Variants in RASGRP3 observed in about 807,000 individuals in gnomAD.
RASGRP3 encodes ras guanyl-releasing protein 3.
RASGRP3 carries 54 observed loss-of-function variants against 82.7 expected under a neutral mutation model. The observed-to-expected ratio is 0.65, with a 90% CI of 0.52 to 0.82. The LOEUF is 0.82. RASGRP3 is among the 40% of genes least tolerant of loss of function. The probability of loss-of-function intolerance (pLI) is 0.00; values close to 1 mark genes in which losing one functional copy is unlikely to be tolerated. For synonymous variants in RASGRP3, 309 were observed against 300.5 expected (o/e 1.03, Z -0.29); for missense variants, 861 against 828.9 (o/e 1.04, Z -0.48).
rs138477460 is a variant in RASGRP3 at position 33,548,927 on chromosome 2, G to T, written c.1395-677G>T. On this transcript the variant is annotated intron_variant, in intron 13 of 17. Coordinates refer to ENST00000403687, the MANE Select transcript of RASGRP3 (RefSeq NM_001139488.2). Reference sequence around the variant, plus strand: ...TGGTCTTGAACTCCTGACCTCAAGTGATCCGCCCACCTTGGCCTCCCAAAG... The same window carrying T: ...TGGTCTTGAACTCCTGACCTCAAGTTATCCGCCCACCTTGGCCTCCCAAAG... Among the ~76,000 whole-genome samples, 1,073 of 152,212 alleles carry T rather than the reference G, an allele frequency of 7.0e-3. 14 individuals carry two copies. Among genetic ancestry groups the T allele is most frequent in the African/African-American group, 0.024 (991 of 41,522 alleles).
At chr2:33,496,339 G>A (rs1172829249) in intron 1 of RASGRP3, among the ~76,000 whole-genome samples, 1 of 152,244 alleles carries the variant, frequency 6.6e-6, no homozygotes, top group Non-Finnish European at 1.5e-5. Flanking sequence ...CAGAGCCAGA[G>A]TTCTTGGGTT....
In RASGRP3 at chr2:33,494,480, T is replaced by G. The variant is rs111910566; in HGVS notation, c.-260-17230T>G. ...CTAGAAATTATCCTACAGGAAATTA[T>G]CCCAAAGGGTCTACCGTGATGAATA... On this transcript the variant is annotated intron_variant, in intron 1 of 17. Transcript: ENST00000403687. Among the ~76,000 whole-genome samples, 596 of 152,316 alleles carry G rather than the reference T, an allele frequency of 3.9e-3. 3 individuals are homozygous for G. The highest frequency in any genetic ancestry group is 0.014 in the African/African-American group (574 of 41,562).
chr2:33,548,100 G>T (rs913098120), intron 13 of RASGRP3, among the ~76,000 whole-genome samples: 29 of 152,140 alleles, frequency 1.9e-4, no homozygotes, highest in Non-Finnish European at 4.0e-4. Flanking sequence ...GGTGGCTCAC[G>T]CCTGTAATCC....
In RASGRP3 at chr2:33,535,531, G is replaced by A. The variant is rs369490622; in HGVS notation, c.1161+1131G>A. Among the ~76,000 whole-genome samples the A allele has an allele frequency of 2.0e-4, 30 of 151,674 alleles. No individual in the cohort carries two copies. In the South Asian group the frequency reaches 5.8e-3, roughly 29 times the overall value. On this transcript the variant is annotated intron_variant, in intron 11 of 17. Coordinates refer to ENST00000403687, the MANE Select transcript of RASGRP3 (RefSeq NM_001139488.2). ...TACTGTGATTCTGAACCCTCAGACC[G>A]AAAGAGACAGAATGGCAGTGAGAGC...
intron 11 of RASGRP3, among the ~76,000 whole-genome samples, chr2:33,535,920 T>G (rs1234972457): frequency 1.3e-5 from 2 of 152,200 alleles, no homozygotes; most frequent in Non-Finnish European, 2.9e-5. Context: ...TTTCCACCTC[T>G]TGACACCAAT....
intron 5 of RASGRP3, 74 bp from the exon 6 acceptor site, chr2:33,520,479 A>G: frequency 1.3e-6 from 2 of 1,570,986 alleles, no homozygotes; most frequent in Non-Finnish European, 1.7e-6. Context: ...TGTAGTCTGT[A>G]AAACGGTACA....
intron 1 of RASGRP3, among the ~76,000 whole-genome samples, chr2:33,498,138 C>A (rs375573933): frequency 1.3e-4 from 20 of 152,256 alleles, no homozygotes; most frequent in African/African-American, 4.8e-4. Context: ...CAGTAGAGGG[C>A]ACTTTTTGGT....
At chr2:33,451,192 T>C (rs1665782097) in intron 2 of RASGRP3, among the ~76,000 whole-genome samples, 1 of 152,146 alleles carries the variant, frequency 6.6e-6, no homozygotes, top group Non-Finnish European at 1.5e-5. Context: ...CTATTGGCCA[T>C]TTGTATTTCT....
At chr2:33,455,102 T>A (rs1423178909) in intron 2 of RASGRP3, among the ~76,000 whole-genome samples, 2 of 152,190 alleles carry the variant, frequency 1.3e-5, no homozygotes, top group Non-Finnish European at 2.9e-5. Context: ...CAACTATAGC[T>A]TCTCACCCTC....
chr2:33,536,594 T>C (rs1673635513), intron 11 of RASGRP3, among the ~76,000 whole-genome samples: 1 of 152,164 alleles, frequency 6.6e-6, no homozygotes, highest in Admixed American at 6.5e-5. Flanking sequence ...GATATTTCCA[T>C]CAAACATAGA....
intron 1 of RASGRP3, among the ~76,000 whole-genome samples, chr2:33,477,846 TGAG>T (rs1236869624): frequency 6.6e-6 from 1 of 152,134 alleles, no homozygotes; most frequent in Non-Finnish European, 1.5e-5. Flanking sequence ...GCGTGGATCT[TGAG>T]GAGGGTGGGC....
intron 2 of RASGRP3, among the ~76,000 whole-genome samples, chr2:33,456,904 AT>A (rs10660284): frequency 0.013 from 1,713 of 134,652 alleles, 30 homozygotes; most frequent in African/African-American, 0.044. Context: ...AGTGCTTTCT[AT>A]TTTTTTTTTT....
At chr2:33,484,380 T>A (rs561839116) in intron 1 of RASGRP3, among the ~76,000 whole-genome samples, 1 of 152,338 alleles carries the variant, frequency 6.6e-6, no homozygotes, top group East Asian at 1.9e-4. Context: ...ATCTCCATAT[T>A]TGGTTCTGGA....
intron 13 of RASGRP3, among the ~76,000 whole-genome samples, chr2:33,545,887 C>G (rs1305115352): frequency 2.4e-4 from 36 of 152,166 alleles, no homozygotes; most frequent in Admixed American, 2.4e-3. Context: ...TTATTGCAAC[C>G]TCTGCCTCCT....
intron 4 of RASGRP3, 115 bp from the exon 5 acceptor site, chr2:33,519,837 T>C: frequency 1.5e-6 from 1 of 657,284 alleles, no homozygotes; most frequent in Non-Finnish European, 2.7e-6. Context: ...TATTTGAGTG[T>C]CTATATAACC....
intron 1 of RASGRP3, among the ~76,000 whole-genome samples, chr2:33,504,890 C>T (rs1279361048): frequency 2.0e-5 from 3 of 152,266 alleles, no homozygotes; most frequent in East Asian, 3.9e-4. Flanking sequence ...AGGCTGAGCA[C>T]GTTGGTATTG....
chr2:33,530,689 C>T (rs1242469367), intron 10 of RASGRP3, among the ~76,000 whole-genome samples: 3 of 152,122 alleles, frequency 2.0e-5, no homozygotes, highest in Admixed American at 1.3e-4. Context: ...CTCTCCTCCT[C>T]TTCATGATGT....
At chr2:33,443,319 G>T (rs897351318) in intron 1 of RASGRP3, among the ~76,000 whole-genome samples, 5 of 152,140 alleles carry the variant, frequency 3.3e-5, no homozygotes, top group African/African-American at 1.2e-4. Context: ...AGATGAAAAT[G>T]AGGGATGGGT....
chr2:33,482,158 C>G (rs183908347), intron 1 of RASGRP3: 1 of 152,212 alleles, frequency 6.6e-6, no homozygotes, highest in Non-Finnish European at 1.5e-5. Context: ...GGACTATAGG[C>G]GCCCGCCACC....
Sources: gnomAD v4.1 joint callset for allele counts (sites outside exome capture counted in the v4.1 genomes callset) on GRCh38, gnomAD v4.1.1 for gene constraint, MANE v1.5 for transcripts, NCBI Gene and HGNC (gene_info 2026-07-23, HGNC 2026-07-21) for gene names.